FER: variants seen among roughly 807,000 people sequenced by gnomAD.
The protein encoded by FER is FER tyrosine kinase, also known as tyrosine-protein kinase Fer.
A neutral mutation model predicts 111.0 loss-of-function variants in FER; 63 were observed. That is an observed-to-expected ratio of 0.57 (90% CI 0.46 to 0.70). The LOEUF (loss-of-function observed/expected upper bound fraction) is 0.70, where lower values mean the gene tolerates loss of function less well. Ranked by LOEUF, FER falls within the 30% of genes least tolerant of loss-of-function variation. The pLI is 0.00. For synonymous variants in FER, 327 were observed against 313.9 expected, an observed-to-expected ratio of 1.04 and a Z score of -0.44; for missense variants, 914 against 954.0, an observed-to-expected ratio of 0.96 and a Z score of 0.55.
intron 2 of FER, among the ~76,000 whole-genome samples, chr5:108,777,539 G>C (rs934731602): frequency 7.2e-5 from 11 of 152,288 alleles, no homozygotes; most frequent in African/African-American, 2.4e-4. Flanking sequence ...TAGCATCATA[G>C]AGGGTAGTTT....
chr5:109,111,899 A>G (rs1202169231), intron 17 of FER, among the ~76,000 whole-genome samples: 1 of 152,158 alleles, frequency 6.6e-6, no homozygotes, highest in Admixed American at 6.6e-5. Context: ...GCGACACCAT[A>G]AGAAATTCTT....
At chr5:109,002,804 G>A (rs1764974955) in intron 13 of FER, among the ~76,000 whole-genome samples, 1 of 152,124 alleles carries the variant, frequency 6.6e-6, no homozygotes, top group Admixed American at 6.5e-5. Context: ...AGGGGGCGAA[G>A]GATATGAACA....
chr5:108,967,189 T>G (rs1759969985), intron 13 of FER, among the ~76,000 whole-genome samples: 1 of 152,192 alleles, frequency 6.6e-6, no homozygotes, highest in Non-Finnish European at 1.5e-5. Context: ...TTCAACTGTT[T>G]CCAAGTTCTT....
At chr5:108,761,421 G>T (rs529378998) in intron 1 of FER, among the ~76,000 whole-genome samples, 1 of 152,160 alleles carries the variant, frequency 6.6e-6, no homozygotes, top group Non-Finnish European at 1.5e-5. Flanking sequence ...AGAATGGCTG[G>T]TCAGTAGAGC....
At chr5:109,002,953 A>G (rs907213283) in intron 13 of FER, among the ~76,000 whole-genome samples, 9 of 152,264 alleles carry the variant, frequency 5.9e-5, no homozygotes, top group African/African-American at 2.2e-4. Context: ...ATCATTAAAA[A>G]GTCAGGAAAC....
intron 2 of FER, among the ~76,000 whole-genome samples, chr5:108,786,537 A>G (rs536812920): frequency 1.3e-3 from 203 of 152,224 alleles, no homozygotes; most frequent in African/African-American, 4.4e-3. Flanking sequence ...GTCTTGCTCC[A>G]TCACACAGGC....
chr5:109,070,152 G>GCAAGTCCCTGCAAGTC (rs1561855745), intron 16 of FER, among the ~76,000 whole-genome samples: 1 of 150,664 alleles, frequency 6.6e-6, no homozygotes, highest in African/African-American at 2.4e-5. Context: ...TTTCATCTCC[G>GCAAGTCCCTGCAAGTC]CAACCATATG....
rs866145406 is a variant in FER at position 109,017,974 on chromosome 5, C to A, written c.1657-19448C>A. 2.0e-5 allele frequency among the ~76,000 whole-genome samples: 3 copies of A among 151,912 alleles called. No homozygotes were observed. In the East Asian group the frequency reaches 5.8e-4, roughly 29 times the overall value. On this transcript the variant is annotated intron_variant, in intron 13 of 19. Coordinates refer to ENST00000281092, the MANE Select transcript of FER (RefSeq NM_005246.4). ...TTTGTTTTCATTTTCTCTATAGATT[C>A]TCTTTTTAAAAACCCTATTTTCTAA...
intron 13 of FER, among the ~76,000 whole-genome samples, chr5:108,971,708 A>G (rs1273967703): frequency 6.6e-6 from 1 of 152,078 alleles, no homozygotes; most frequent in Admixed American, 6.6e-5. Flanking sequence ...TTTTCCCCCT[A>G]TTTTCAATTT....
chr5:109,019,954 A>G (rs1430663104), intron 13 of FER, among the ~76,000 whole-genome samples: 1 of 151,914 alleles, frequency 6.6e-6, no homozygotes, highest in Non-Finnish European at 1.5e-5. Flanking sequence ...TTCCTAATGT[A>G]CTTTGCAATT....
intron 14 of FER, among the ~76,000 whole-genome samples, chr5:109,041,712 C>A (rs1351379992): frequency 6.6e-6 from 1 of 152,138 alleles, no homozygotes. Context: ...AGTTACCCAA[C>A]AGCTCAAATT....
chr5:108,988,151 A>G (rs1423033343), intron 13 of FER, among the ~76,000 whole-genome samples: 1 of 152,140 alleles, frequency 6.6e-6, no homozygotes, highest in Non-Finnish European at 1.5e-5. Context: ...CCACTTGGTC[A>G]TGGTGGATTG....
intron 10 of FER, among the ~76,000 whole-genome samples, chr5:108,910,009 A>T (rs1047975152): frequency 6.6e-6 from 1 of 151,988 alleles, no homozygotes; most frequent in African/African-American, 2.4e-5. Flanking sequence ...AAAATGCAGG[A>T]TAAAAACTGG....
chr5:109,039,258 TGATATACA>T (rs142542311), intron 14 of FER, among the ~76,000 whole-genome samples: 98 of 152,100 alleles, frequency 6.4e-4, no homozygotes, highest in Admixed American at 1.8e-3. Flanking sequence ...AGACTGTACT[TGATATACA>T]GTATCAGATG....
At chr5:109,153,194 A>G (rs546677859) in intron 17 of FER, among the ~76,000 whole-genome samples, 1 of 145,040 alleles carries the variant, frequency 6.9e-6, no homozygotes, top group South Asian at 2.2e-4. Context: ...AAACTATTAA[A>G]CCAGGATTTT....
intron 17 of FER, among the ~76,000 whole-genome samples, chr5:109,125,871 T>G (rs181251551): frequency 5.9e-5 from 9 of 152,344 alleles, no homozygotes; most frequent in African/African-American, 2.2e-4. Flanking sequence ...GAAATTCTTT[T>G]TAGGCATCAC....
chr5:109,161,329 G>C (rs1339737175), intron 17 of FER, among the ~76,000 whole-genome samples: 2 of 151,930 alleles, frequency 1.3e-5, no homozygotes, highest in African/African-American at 4.8e-5. Context: ...GTGTCATGGG[G>C]GTTTATTGTA....
At chr5:109,003,145 C>A (rs1316216567) in intron 13 of FER, among the ~76,000 whole-genome samples, 6 of 152,028 alleles carry the variant, frequency 3.9e-5, no homozygotes, top group African/African-American at 1.5e-4. Flanking sequence ...ATAAATCATG[C>A]TGCTATAAAG....
chr5:108,947,440 C>G (rs1757136835), intron 11 of FER, among the ~76,000 whole-genome samples: 1 of 151,974 alleles, frequency 6.6e-6, no homozygotes, highest in African/African-American at 2.4e-5. Flanking sequence ...TTCCATTTTC[C>G]TAATGACTAA....
Sources: allele counts gnomAD v4.1 joint callset (sites outside exome capture counted in the v4.1 genomes callset), GRCh38; gene constraint gnomAD v4.1.1; transcripts MANE v1.5; gene names NCBI Gene and HGNC (gene_info 2026-07-23, HGNC 2026-07-21).